SNX25: variants seen among roughly 807,000 people sequenced by gnomAD.
SNX25 encodes the protein sorting nexin-25.
SNX25 carries 62 observed loss-of-function variants against 113.7 expected under a neutral mutation model. The observed-to-expected ratio is 0.55, with a 90% CI of 0.44 to 0.67. The LOEUF is 0.67. Among genes scored for constraint, SNX25 ranks in the 30% least tolerant of loss-of-function variants. The pLI, the probability that SNX25 is intolerant of heterozygous loss-of-function variation, is 0.00. For missense variants in SNX25, 1,014 were observed against 1,161.0 expected (o/e 0.87, Z 1.84); for synonymous variants, 421 against 436.2 (o/e 0.97, Z 0.43).
rs1396557999 is a variant in SNX25, at chr4:185,320,777, G to A, written c.1389G>A (p.Glu463=). The A allele has an allele frequency of 1.9e-6, 3 of 1,601,570 alleles. No homozygotes were observed. The highest frequency in any genetic ancestry group is 2.6e-6 in the Non-Finnish European group (3 of 1,174,622). Residue 463 remains glutamate, a synonymous_variant, in exon 8 of 19, where the codon GAG becomes GAA. Coordinates refer to ENST00000652585, the MANE Select transcript of SNX25 (RefSeq NM_001378034.2). ...EDILANTFYR[E]HFGMYMERMD... ...TCTTGGCCAATACGTTCTACCGAGA[G>A]CACTTTGGAATGTACATGGAAAGGA...
intron 4 of SNX25, among the ~76,000 whole-genome samples, chr4:185,265,674 T>C (rs530014612): frequency 2.0e-5 from 3 of 152,366 alleles, no homozygotes; most frequent in South Asian, 2.1e-4. Flanking sequence ...TAACTTTTTT[T>C]ACTTTATGAA....
intron 1 of SNX25, among the ~76,000 whole-genome samples, chr4:185,214,428 C>T (rs1307608588): frequency 6.7e-6 from 1 of 150,066 alleles, no homozygotes; most frequent in East Asian, 1.9e-4. Context: ...AAAATATTAG[C>T]TGGGAGTGGT....
intron 10 of SNX25, among the ~76,000 whole-genome samples, chr4:185,335,149 G>A (rs1434421685): frequency 6.6e-6 from 1 of 151,948 alleles, no homozygotes; most frequent in Non-Finnish European, 1.5e-5. Context: ...GTAAAACCCC[G>A]CCTCTACTAA....
intron 13 of SNX25, among the ~76,000 whole-genome samples, chr4:185,349,295 T>C (rs752571366): frequency 1.6e-4 from 24 of 152,214 alleles, no homozygotes; most frequent in Non-Finnish European, 2.9e-4. Flanking sequence ...ATACCACGTT[T>C]TCTCTATCCA....
chr4:185,215,287 TG>T (rs1174514842), intron 1 of SNX25, among the ~76,000 whole-genome samples: 1 of 151,852 alleles, frequency 6.6e-6, no homozygotes, highest in Admixed American at 6.6e-5. Context: ...TTTTGGGTGT[TG>T]GGTAGGATTC....
rs544671176 is a variant in SNX25 at position 185,231,334 on chromosome 4, C to T, written c.430-15960C>T. Among the ~76,000 whole-genome samples, 5 of 151,426 alleles carry T rather than the reference C, an allele frequency of 3.3e-5. No individual in the cohort carries two copies. The East Asian group carries it at 8.0e-4, about 24-fold the overall frequency. On this transcript the variant is annotated intron_variant, in intron 1 of 18. Coordinates refer to ENST00000652585, the MANE Select transcript of SNX25 (RefSeq NM_001378034.2). ...CAGGATGGTCTTGATCTCCTGACAT[C>T]GTGATCCACCCGCCTCGGCCTCCCA...
At chr4:185,261,241 G>C (rs561520799) in intron 3 of SNX25, among the ~76,000 whole-genome samples, 2 of 151,924 alleles carry the variant, frequency 1.3e-5, no homozygotes, top group African/African-American at 4.8e-5. Flanking sequence ...GCAGTGGTGC[G>C]ATCTTGGCTC....
At chr4:185,353,048 A>C (rs1369292639) in intron 14 of SNX25, 4 of 157,896 alleles carry the variant, frequency 2.5e-5, no homozygotes, top group African/African-American at 9.6e-5. Context: ...TAGCTGAAGG[A>C]CAGAATAAAA....
At chr4:185,347,219 C>T (rs771411088) in intron 13 of SNX25, among the ~76,000 whole-genome samples, 4 of 152,190 alleles carry the variant, frequency 2.6e-5, no homozygotes, top group Non-Finnish European at 5.9e-5. Context: ...ACAAAGGGTG[C>T]TTATATAAAC....
intron 9 of SNX25, among the ~76,000 whole-genome samples, chr4:185,327,523 A>G (rs1434601055): frequency 6.6e-6 from 1 of 152,196 alleles, no homozygotes; most frequent in African/African-American, 2.4e-5. Flanking sequence ...ACAAGAATTT[A>G]CCATATAAGA....
intron 5 of SNX25, among the ~76,000 whole-genome samples, chr4:185,267,812 C>T (rs114698167): frequency 1.3e-5 from 2 of 151,874 alleles, no homozygotes; most frequent in African/African-American, 4.8e-5. Flanking sequence ...ATAACATAAA[C>T]AGTTGATTAG....
rs1235594434 is a variant in SNX25 at position 185,288,009 on chromosome 4, C to T, written c.1092-3C>T. 1 of 1,604,948 alleles carries T rather than the reference C, an allele frequency of 6.2e-7. No homozygotes were observed. Among genetic ancestry groups the T allele is most frequent in the Non-Finnish European group, 8.5e-7 (1 of 1,175,992 alleles). On this transcript the variant is annotated splice_polypyrimidine_tract_variant and splice_region_variant and intron_variant, in intron 5 of 18. Coordinates refer to ENST00000652585, the MANE Select transcript of SNX25 (RefSeq NM_001378034.2). ...CTTTTTCTTTTCTCTTTTTAAAAAT[C>T]AGGTATCAAATTGTAGTGGAAATAA...
At chr4:185,339,274 C>T (rs180724006) in intron 10 of SNX25, 105 bp from the exon 11 acceptor site, 40 of 1,065,996 alleles carry the variant, frequency 3.8e-5, no homozygotes, top group African/African-American at 3.2e-4. Context: ...GTTAGTGTAT[C>T]GAAACACAGC....
chr4:185,340,432 G>T (rs2095254068), intron 11 of SNX25, among the ~76,000 whole-genome samples: 1 of 152,160 alleles, frequency 6.6e-6, no homozygotes, highest in Non-Finnish European at 1.5e-5. Flanking sequence ...GCACTTGCTG[G>T]TGCTCCCATT....
chr4:185,294,475 G>A (rs1013280250), intron 6 of SNX25, among the ~76,000 whole-genome samples: 1 of 152,194 alleles, frequency 6.6e-6, no homozygotes, highest in East Asian at 1.9e-4. Context: ...CAGGGGTTAT[G>A]TAGGAGTTTG....
intron 6 of SNX25, among the ~76,000 whole-genome samples, chr4:185,298,976 G>A (rs1001555876): frequency 6.6e-6 from 1 of 152,106 alleles, no homozygotes; most frequent in Non-Finnish European, 1.5e-5. Context: ...TGTGTATTAG[G>A]TACAGCAGTA....
chr4:185,353,542 A>T lies in SNX25; in HGVS notation c.2524A>T (p.Lys842Ter). ...TTATGGTGATGATGTGGATGGGAGG[A>T]AAGACGCCTTGGCTGAACCATGTTT... The part of the protein sequence containing the change: ...SDYGDDVDGR[K>*]DALAEPCFML... Residue 842 changes from lysine (K) to a stop codon, truncating the protein, a stop_gained, in exon 15 of 19, where the codon AAA (lysine) becomes TAA (stop). Coordinates refer to ENST00000652585, the MANE Select transcript of SNX25 (RefSeq NM_001378034.2). LOFTEE classifies it high-confidence loss of function. 1 of 1,614,142 alleles carries T rather than the reference A, an allele frequency of 6.2e-7. No homozygotes were observed. The highest frequency in any genetic ancestry group is 8.5e-7 in the Non-Finnish European group (1 of 1,180,020).
intron 12 of SNX25, 68 bp downstream of exon 12, chr4:185,342,184 A>C: frequency 7.0e-7 from 1 of 1,424,008 alleles, no homozygotes; most frequent in Non-Finnish European, 9.3e-7. Context: ...TTTACACATA[A>C]GAAAGCTGAT....
intron 1 of SNX25, among the ~76,000 whole-genome samples, chr4:185,217,751 C>T (rs1287602744): frequency 3.3e-5 from 5 of 152,254 alleles, no homozygotes; most frequent in East Asian, 1.9e-4. Flanking sequence ...GAATGGTACA[C>T]GTGGTTGTGC....
Sources: gnomAD v4.1 joint callset for allele counts (sites outside exome capture counted in the v4.1 genomes callset) on GRCh38, gnomAD v4.1.1 for gene constraint, MANE v1.5 for transcripts, NCBI Gene and HGNC (gene_info 2026-07-23, HGNC 2026-07-21) for gene names.